Variants in FBN2 observed in about 807,000 individuals in gnomAD.
FBN2 encodes the protein fibrillin-2.
Under a neutral mutation model 355.6 loss-of-function variants are expected in FBN2, and 105 were observed. That is an observed-to-expected ratio of 0.30 (90% CI 0.25 to 0.35). FBN2 has a LOEUF of 0.35. Among genes scored for constraint, FBN2 ranks in the 10% least tolerant of loss-of-function variants. The pLI is 1.00. For missense variants in FBN2, 3,280 were observed against 3,758.7 expected (o/e 0.87, Z 3.33); for synonymous variants, 1,350 against 1,301.2 (o/e 1.04, Z -0.81).
intron 5 of FBN2, among the ~76,000 whole-genome samples, chr5:128,514,714 T>C (rs1197280739): frequency 6.6e-6 from 1 of 152,202 alleles, no homozygotes; most frequent in Non-Finnish European, 1.5e-5. Context: ...TATTACAACG[T>C]GCAGTGTACG....
intron 13 of FBN2, among the ~76,000 whole-genome samples, chr5:128,377,165 A>G (rs1380568186): frequency 2.0e-5 from 3 of 152,222 alleles, no homozygotes; most frequent in Non-Finnish European, 4.4e-5. Flanking sequence ...TGTTTATTTT[A>G]TAAGAAAATA....
chr5:128,489,319 C>A (rs955409002), intron 5 of FBN2, among the ~76,000 whole-genome samples: 1 of 152,262 alleles, frequency 6.6e-6, no homozygotes, highest in African/African-American at 2.4e-5. Flanking sequence ...GGATTCCTAA[C>A]CATTAAGAAG....
intron 6 of FBN2, among the ~76,000 whole-genome samples, chr5:128,447,795 G>A (rs955217973): frequency 3.9e-5 from 6 of 152,206 alleles, no homozygotes; most frequent in East Asian, 1.9e-4. Flanking sequence ...TGTCTCCCCC[G>A]GATACCCAGC....
chr5:128,369,192 T>C lies in FBN2; in HGVS notation c.2238A>G (p.Ala746=). Reference sequence around the variant, plus strand: ...GGCACATGTGACTACCTGAATTTTTTGCAGGGCATGGCTGGCAGGGTTCTC... The same window carrying C: ...GGCACATGTGACTACCTGAATTTTTCGCAGGGCATGGCTGGCAGGGTTCTC... The part of the protein sequence containing the change: ...GFGEPCQPCP[A]KNSAEFHGLC... Residue 746 remains alanine (A), a synonymous_variant, in exon 16 of 65, where the codon GCA becomes GCG. Coordinates refer to ENST00000262464, the MANE Select transcript of FBN2 (RefSeq NM_001999.4). The C allele has an allele frequency of 6.2e-7, 1 of 1,614,196 alleles. No homozygotes were observed. Among genetic ancestry groups the C allele is most frequent in the South Asian group, 1.1e-5 (1 of 91,088 alleles).
chr5:128,301,895 C>T (rs1318853695), intron 46 of FBN2, among the ~76,000 whole-genome samples: 2 of 151,998 alleles, frequency 1.3e-5, no homozygotes, highest in African/African-American at 2.4e-5. Context: ...TTACCTGGAG[C>T]TAAGCTGAGC....
At chr5:128,495,896 A>G (rs947796793) in intron 5 of FBN2, among the ~76,000 whole-genome samples, 13 of 152,182 alleles carry the variant, frequency 8.5e-5, no homozygotes, top group Non-Finnish European at 1.0e-4. Flanking sequence ...GTTTACCAAC[A>G]AATCAGACAT....
intron 7 of FBN2, among the ~76,000 whole-genome samples, chr5:128,435,608 G>T (rs748209432): frequency 7.2e-5 from 11 of 152,114 alleles, no homozygotes; most frequent in Non-Finnish European, 1.2e-4. Context: ...ATGGGGTGCA[G>T]CAGGAGCACA....
chr5:128,502,883 T>C (rs1323420121), intron 5 of FBN2, among the ~76,000 whole-genome samples: 1 of 152,244 alleles, frequency 6.6e-6, no homozygotes, highest in Non-Finnish European at 1.5e-5. Flanking sequence ...ACTTTCTTTG[T>C]TCAACATAAA....
chr5:128,301,764 A>G (rs187520020), intron 46 of FBN2, among the ~76,000 whole-genome samples: 71 of 152,278 alleles, frequency 4.7e-4, no homozygotes, highest in Middle Eastern at 3.4e-3. Context: ...ATGAATTTAG[A>G]ACCAGATAAA....
chr5:128,388,533 G>C (rs111564074), intron 11 of FBN2, among the ~76,000 whole-genome samples: 33 of 152,268 alleles, frequency 2.2e-4, no homozygotes, highest in Non-Finnish European at 4.4e-4. Context: ...AGGCAGGTCT[G>C]GTGGCAAATT....
chr5:128,414,673 G>T (rs1204688747), intron 7 of FBN2, among the ~76,000 whole-genome samples: 1 of 152,082 alleles, frequency 6.6e-6, no homozygotes, highest in Non-Finnish European at 1.5e-5. Flanking sequence ...GAGTCATACA[G>T]TAATTCTATG....
intron 5 of FBN2, among the ~76,000 whole-genome samples, chr5:128,509,346 G>A (rs1433984430): frequency 1.3e-5 from 2 of 151,872 alleles, no homozygotes; most frequent in Admixed American, 6.6e-5. Context: ...TCGTCTTTTC[G>A]CCTATAATGT....
At chr5:128,309,932 T>C (rs781379061) in intron 40 of FBN2, 51 bp downstream of exon 40, 3 of 1,590,958 alleles carry the variant, frequency 1.9e-6, no homozygotes, top group East Asian at 4.5e-5. Context: ...AAGTGCTTTA[T>C]GTGTGAAGTC....
At chr5:128,481,070 A>T (rs1026483738) in intron 5 of FBN2, among the ~76,000 whole-genome samples, 2 of 152,168 alleles carry the variant, frequency 1.3e-5, no homozygotes, top group Admixed American at 6.5e-5. Flanking sequence ...TTTCCCAAAG[A>T]TCTGTTTGGA....
rs536657228 is a variant in FBN2 at position 128,429,262 on chromosome 5, G to C, written c.952+17219C>G. Among the ~76,000 whole-genome samples the C allele has an allele frequency of 6.6e-5, 10 of 152,118 alleles. No homozygotes were observed. The East Asian group carries it at 1.6e-3, about 24-fold the overall frequency. ...AAGGATTCTCTTTTTACACAGCTTG[G>C]GGGTGAGCGATGGGCCACTAAAGGC... On this transcript the variant is annotated intron_variant, in intron 7 of 64. Transcript: ENST00000262464.
At chr5:128,490,842 C>G (rs773764254) in intron 5 of FBN2, among the ~76,000 whole-genome samples, 3 of 152,120 alleles carry the variant, frequency 2.0e-5, no homozygotes, top group Non-Finnish European at 2.9e-5. Context: ...AGTAAAATTT[C>G]TACTTTACTG....
Position 128,269,203 on chromosome 5 carries a change from C to T in FBN2, c.7960+2796G>A, listed in dbSNP as rs568416914. Among the ~76,000 whole-genome samples, 10 of 150,964 alleles carry T rather than the reference C, an allele frequency of 6.6e-5. No individual in the cohort carries two copies. In the East Asian group the frequency reaches 1.9e-3, roughly 29 times the overall value. On this transcript the variant is annotated intron_variant, in intron 62 of 64. Transcript: ENST00000262464. ...GCCAAGGCGGGTGGATCACTTGAGG[C>T]CAGGAGTTCGAAACCAGCCTGGCCA...
At chr5:128,319,085 C>T (rs993134731) in intron 34 of FBN2, 84 bp from the exon 35 acceptor site, 3 of 1,126,686 alleles carry the variant, frequency 2.7e-6, no homozygotes, top group African/African-American at 3.1e-5. Context: ...GCGCATTTTT[C>T]TGCCCCCTCA....
intron 5 of FBN2, among the ~76,000 whole-genome samples, chr5:128,505,506 T>G (rs1480644604): frequency 6.6e-6 from 1 of 152,120 alleles, no homozygotes; most frequent in Non-Finnish European, 1.5e-5. Context: ...CATCATATAT[T>G]TAAAGTGTAC....
Sources: gnomAD v4.1 joint callset for allele counts (sites outside exome capture counted in the v4.1 genomes callset) on GRCh38, gnomAD v4.1.1 for gene constraint, MANE v1.5 for transcripts, NCBI Gene and HGNC (gene_info 2026-07-23, HGNC 2026-07-21) for gene names.